Variants in KIT observed in about 807,000 individuals in gnomAD.
KIT encodes the protein mast/stem cell growth factor receptor Kit.
In KIT, 16 loss-of-function variants were observed where a neutral mutation model predicts 105.7. That is an observed-to-expected ratio of 0.15 (90% CI 0.10 to 0.23). KIT has a LOEUF of 0.23. Ranked by LOEUF, KIT falls within the 10% of genes least tolerant of loss-of-function variation. KIT has a pLI of 1.00. For missense variants in KIT, 858 were observed against 1,213.8 expected, an observed-to-expected ratio of 0.71 and a Z score of 4.36; for synonymous variants, 438 against 441.1, an observed-to-expected ratio of 0.99 and a Z score of 0.09.
At chr4:54,682,886 G>A (rs774406084) in intron 1 of KIT, among the ~76,000 whole-genome samples, 60 of 151,804 alleles carry the variant, frequency 4.0e-4, no homozygotes, top group Middle Eastern at 6.8e-3. Context: ...TGAGTAGCTG[G>A]GATTACAGGC....
At chr4:54,695,244 T>G (rs527411494) in intron 1 of KIT, among the ~76,000 whole-genome samples, 6 of 152,310 alleles carry the variant, frequency 3.9e-5, no homozygotes, top group African/African-American at 1.4e-4. Context: ...AATTGTATGT[T>G]TAGCCCAGAG....
intron 9 of KIT, among the ~76,000 whole-genome samples, chr4:54,726,624 G>A (rs904372551): frequency 6.6e-6 from 1 of 152,104 alleles, no homozygotes; most frequent in Admixed American, 6.6e-5. Context: ...TACTTTTTAG[G>A]CCTTCTTGGG....
At chr4:54,709,940 G>C (rs1344527448) in intron 7 of KIT, among the ~76,000 whole-genome samples, 1 of 152,218 alleles carries the variant, frequency 6.6e-6, no homozygotes, top group African/African-American at 2.4e-5. Flanking sequence ...TCTTTGTTCA[G>C]TGCTGTCTCT....
rs1211862431 is a variant in KIT at position 54,728,844 on chromosome 4, G to C, written c.1991-491G>C. The stretch of plus-strand genomic sequence containing the variant: ...GCACCAAAAAATTTTTCAACTAGTA[G>C]CGCTCAGAACACAGGTCATTTTAGG... On this transcript the variant is annotated intron_variant, in intron 13 of 20. Coordinates refer to ENST00000288135, the MANE Select transcript of KIT (RefSeq NM_000222.3). Among the ~76,000 whole-genome samples the C allele has an allele frequency of 2.6e-5, 4 of 152,244 alleles. No homozygotes were observed. In the South Asian group the frequency reaches 6.2e-4, roughly 24 times the overall value.
chr4:54,670,666 C>G lies in KIT; in HGVS notation c.67+12585C>G, dbSNP rs371407255. On this transcript the variant is annotated intron_variant, in intron 1 of 20. Transcript: ENST00000288135. ...TCTCCCGCAAAGTGAGTCACAGAAA[C>G]CAGAATTCTTTTTCCCCAAGGCAGG... Among the ~76,000 whole-genome samples the G allele has an allele frequency of 5.9e-5, 9 of 152,266 alleles. No individual in the cohort carries two copies. The East Asian group carries it at 1.2e-3, about 20-fold the overall frequency.
At chr4:54,672,749 A>G (rs1020132750) in intron 1 of KIT, among the ~76,000 whole-genome samples, 3 of 152,150 alleles carry the variant, frequency 2.0e-5, no homozygotes, top group Admixed American at 2.0e-4. Context: ...TTAGCTCTAC[A>G]GGTAAATATC....
rs1577957143 is a variant in KIT, at chr4:54,698,496, C to A, written c.550C>A (p.Leu184Met). 2 of 1,614,176 alleles carry A rather than the reference C, an allele frequency of 1.2e-6. No individual in the cohort carries two copies. The highest frequency in any genetic ancestry group is 2.7e-5 in the African/African-American group (2 of 75,026). Residue 184 changes from leucine (L) to methionine (M), a missense_variant, in exon 3 of 21, where the codon CTG becomes ATG. Around this residue, in one of 7 missense-constraint regions of KIT, gnomAD observed 401 missense variants for 601.0 expected, o/e 0.67. Transcript: ENST00000288135. ...SVKRAYHRLC[L>M]HCSVDQEGKS... ...GAAACGCGCCTACCATCGGCTCTGT[C>A]TGCATTGTTCTGTGGACCAGGAGGG...
At position 54,738,811 on chromosome 4, in the gene KIT, A is replaced by T; in HGVS notation, c.*254A>T. 1.6e-6 allele frequency: 1 copy of T among 606,840 alleles called. No individual in the cohort carries two copies. Among genetic ancestry groups the T allele is most frequent in the South Asian group, 2.0e-5 (1 of 50,570 alleles). 37.6% of individuals were successfully genotyped at this position (606,840 alleles called of 1,614,324 possible). ...ATGAACAGAAAACATTCTGATTTGGAAAAAGAGAGGGAGGTATGGACTGGG... is the reference window on the plus strand; with the variant it reads ...ATGAACAGAAAACATTCTGATTTGGTAAAAGAGAGGGAGGTATGGACTGGG... On this transcript the variant is annotated 3_prime_UTR_variant, in exon 21 of 21. Coordinates refer to ENST00000288135, the MANE Select transcript of KIT (RefSeq NM_000222.3).
chr4:54,681,620 G>A (rs1718924597), intron 1 of KIT, among the ~76,000 whole-genome samples: 1 of 152,156 alleles, frequency 6.6e-6, no homozygotes, highest in African/African-American at 2.4e-5. Context: ...ATAATTAGCT[G>A]AGAAAGGTCC....
At chr4:54,716,550 T>C (rs1721510009) in intron 7 of KIT, among the ~76,000 whole-genome samples, 1 of 152,214 alleles carries the variant, frequency 6.6e-6, no homozygotes, top group Non-Finnish European at 1.5e-5. Context: ...GTCATATTGC[T>C]TTATAACCTG....
Position 54,666,268 on chromosome 4 carries a change from G to T in KIT, c.67+8187G>T, listed in dbSNP as rs556203276. On this transcript the variant is annotated intron_variant, in intron 1 of 20. Coordinates refer to ENST00000288135, the MANE Select transcript of KIT (RefSeq NM_000222.3). Reference sequence around the variant, plus strand: ...GGAAATTGAAAATTTTTTTGTTTTTGTTTTTTGTTTTTTTTGTTTTGTTTT... The same window carrying T: ...GGAAATTGAAAATTTTTTTGTTTTTTTTTTTTGTTTTTTTTGTTTTGTTTT... Among the ~76,000 whole-genome samples, 37 of 151,992 alleles carry T rather than the reference G, an allele frequency of 2.4e-4. No homozygotes were observed. In the South Asian group the frequency reaches 7.5e-3, roughly 31 times the overall value.
intron 1 of KIT, among the ~76,000 whole-genome samples, chr4:54,660,964 C>T (rs1717218628): frequency 6.6e-6 from 1 of 152,118 alleles, no homozygotes; most frequent in South Asian, 2.1e-4. Context: ...CTTATGAAAG[C>T]GGATTATTTG....
At chr4:54,690,743 A>G (rs1485845927) in intron 1 of KIT, among the ~76,000 whole-genome samples, 2 of 152,210 alleles carry the variant, frequency 1.3e-5, no homozygotes, top group African/African-American at 2.4e-5. Flanking sequence ...TTTCAGAGCA[A>G]TTTCAAAGCT....
At chr4:54,718,123 C>CA (rs2109743959) in intron 7 of KIT, among the ~76,000 whole-genome samples, 1 of 152,310 alleles carries the variant, frequency 6.6e-6, no homozygotes, top group Non-Finnish European at 1.5e-5. Flanking sequence ...GCTTTTGAGA[C>CA]AGAGTCTTGT....
chr4:54,688,890 G>C (rs73818385), intron 1 of KIT, among the ~76,000 whole-genome samples: 6 of 152,324 alleles, frequency 3.9e-5, no homozygotes, highest in Admixed American at 2.0e-4. Flanking sequence ...TGGACAGCTA[G>C]GAGATGGACA....
At chr4:54,733,429 A>G (rs1354521226) in intron 17 of KIT, 1 of 449,520 alleles carries the variant, frequency 2.2e-6, no homozygotes, top group African/African-American at 2.0e-5. Flanking sequence ...ATGTGAAGGA[A>G]ACAGAAATAG....
chr4:54,676,989 C>T lies in KIT; in HGVS notation c.68-18523C>T, dbSNP rs536064760. On this transcript the variant is annotated intron_variant, in intron 1 of 20. Transcript: ENST00000288135. The stretch of plus-strand genomic sequence containing the variant: ...GCCCTCATTGTACAGCGTGCTTGTT[C>T]GAACTTATCACATTGTAATTACCTA... 2.1e-3 allele frequency among the ~76,000 whole-genome samples: 321 copies of T among 152,206 alleles called. 1 individual carries two copies. The highest frequency in any genetic ancestry group is 0.01 in the Middle Eastern group (3 of 294).
At chr4:54,684,778 G>A (rs1415807244) in intron 1 of KIT, among the ~76,000 whole-genome samples, 1 of 152,222 alleles carries the variant, frequency 6.6e-6, no homozygotes, top group East Asian at 1.9e-4. Context: ...CCAGTTGCCA[G>A]GCCCTGCATC....
intron 1 of KIT, among the ~76,000 whole-genome samples, chr4:54,673,705 T>C (rs1025138485): frequency 2.6e-5 from 4 of 152,262 alleles, no homozygotes; most frequent in Non-Finnish European, 5.9e-5. Flanking sequence ...AATAACTATG[T>C]GGAATTCAAC....
Sources: gnomAD v4.1 joint callset for allele counts (sites outside exome capture counted in the v4.1 genomes callset) on GRCh38, gnomAD v4.1.1 for gene constraint, gnomAD v4.1.1 regional missense constraint, MANE v1.5 for transcripts, NCBI Gene and HGNC (gene_info 2026-07-23, HGNC 2026-07-21) for gene names.